KAZN: variants seen among roughly 807,000 people sequenced by gnomAD.
KAZN encodes the protein kazrin.
In KAZN, 40 loss-of-function variants were observed where a neutral mutation model predicts 87.4. The observed-to-expected ratio is 0.46, with a 90% confidence interval of 0.36 to 0.60. The LOEUF (loss-of-function observed/expected upper bound fraction) is 0.60, where lower values mean the gene tolerates loss of function less well. Ranked by LOEUF, KAZN falls within the 20% of genes least tolerant of loss-of-function variation. KAZN has a pLI of 0.00. For synonymous variants in KAZN, 466 were observed against 458.3 expected (o/e 1.02, Z -0.22); for missense variants, 898 against 1,073.9 (o/e 0.84, Z 2.29).
intron 1 of KAZN, among the ~76,000 whole-genome samples, chr1:14,109,813 C>CTTTTTTTTTTTGA (rs1289460974): frequency 0.093 from 11,323 of 121,666 alleles, 1,715 homozygotes; most frequent in East Asian, 0.22. Context: ...CTTATCAAAA[C>CTTTTTTTTTTTGA]GATTTCAGCG....
intron 2 of KAZN, among the ~76,000 whole-genome samples, chr1:14,384,353 T>C (rs972047405): frequency 6.6e-5 from 10 of 152,140 alleles, no homozygotes; most frequent in Admixed American, 6.5e-4. Flanking sequence ...CAACACTATG[T>C]TGAATAGGAG....
chr1:13,979,355 G>A (rs757490389), intron 1 of KAZN, among the ~76,000 whole-genome samples: 3 of 152,260 alleles, frequency 2.0e-5, no homozygotes, highest in Admixed American at 6.5e-5. Flanking sequence ...TCAACAAAAT[G>A]ATGAAAACCA....
At chr1:15,048,481 G>A (rs765714617) in intron 4 of KAZN, among the ~76,000 whole-genome samples, 33 of 151,912 alleles carry the variant, frequency 2.2e-4, no homozygotes, top group Non-Finnish European at 3.5e-4. Context: ...GTCAAGGCCC[G>A]AGCCCACATG....
intron 13 of KAZN, among the ~76,000 whole-genome samples, chr1:15,110,129 GTGTC>G (rs1157657882): frequency 6.6e-6 from 1 of 150,656 alleles, no homozygotes; most frequent in Non-Finnish European, 1.5e-5. Context: ...ATTTGTGTAT[GTGTC>G]TGTGTATTTG....
intron 2 of KAZN, among the ~76,000 whole-genome samples, chr1:14,217,369 C>T (rs1460037378): frequency 1.3e-5 from 2 of 151,626 alleles, no homozygotes; most frequent in Admixed American, 6.6e-5. Context: ...AATACAGGCC[C>T]ATCCCCCTTC....
intron 1 of KAZN, among the ~76,000 whole-genome samples, chr1:13,970,221 G>T (rs1353150359): frequency 6.6e-6 from 1 of 152,174 alleles, no homozygotes; most frequent in Non-Finnish European, 1.5e-5. Context: ...TCTTATGATG[G>T]CAGAAAGTGA....
chr1:14,523,501 G>A (rs1433032684), intron 2 of KAZN, among the ~76,000 whole-genome samples: 2 of 152,222 alleles, frequency 1.3e-5, no homozygotes, highest in Non-Finnish European at 2.9e-5. Context: ...ATACAAATGT[G>A]TCCCATCCCT....
At chr1:14,498,996 C>G (rs1436344079) in intron 2 of KAZN, among the ~76,000 whole-genome samples, 5 of 152,136 alleles carry the variant, frequency 3.3e-5, no homozygotes, top group African/African-American at 4.8e-5. Context: ...GCATGGTAAA[C>G]AGTTCCCTCG....
chr1:14,930,726 T>G (rs1659719422), intron 1 of KAZN, among the ~76,000 whole-genome samples: 1 of 152,194 alleles, frequency 6.6e-6, no homozygotes, highest in African/African-American at 2.4e-5. Context: ...GCAGTTTCCT[T>G]GTCAGCTGAC....
At chr1:14,908,561 C>G (rs72871818) in intron 1 of KAZN, among the ~76,000 whole-genome samples, 6,102 of 152,016 alleles carry the variant, frequency 0.04, 409 homozygotes, top group African/African-American at 0.14. Flanking sequence ...AAGAAAGAAA[C>G]AAGAAGAAAA....
At chr1:15,075,533 A>G (rs376710225) in intron 8 of KAZN, among the ~76,000 whole-genome samples, 56 of 152,236 alleles carry the variant, frequency 3.7e-4, no homozygotes, top group African/African-American at 1.2e-3. Flanking sequence ...CAGCTCCACT[A>G]TTCTGTGCTT....
chr1:14,849,047 A>G (rs1161296244), intron 1 of KAZN, among the ~76,000 whole-genome samples: 1 of 152,128 alleles, frequency 6.6e-6, no homozygotes, highest in Non-Finnish European at 1.5e-5. Flanking sequence ...CCCTGCCCTC[A>G]TTTTACAGAC....
chr1:13,992,536 A>C (rs1478865969), intron 1 of KAZN, among the ~76,000 whole-genome samples: 1 of 152,166 alleles, frequency 6.6e-6, no homozygotes, highest in Non-Finnish European at 1.5e-5. Flanking sequence ...TGGAAGGTTA[A>C]AGCTGACTAC....
At chr1:14,722,377 C>T (rs1643161586) in intron 1 of KAZN, among the ~76,000 whole-genome samples, 1 of 152,106 alleles carries the variant, frequency 6.6e-6, no homozygotes, top group African/African-American at 2.4e-5. Flanking sequence ...ATTCTCAGGT[C>T]ATTAAGTTAT....
intron 1 of KAZN, among the ~76,000 whole-genome samples, chr1:14,640,596 G>T (rs1270395370): frequency 6.6e-6 from 1 of 152,148 alleles, no homozygotes; most frequent in African/African-American, 2.4e-5. Context: ...CCAGCACTCT[G>T]CAGGGTCCTT....
intron 1 of KAZN, among the ~76,000 whole-genome samples, chr1:14,012,454 A>T (rs755508185): frequency 6.6e-6 from 1 of 152,228 alleles, no homozygotes; most frequent in Non-Finnish European, 1.5e-5. Context: ...GGCTGAAAAA[A>T]TAAGTAAAAA....
At chr1:13,939,068 G>T (rs937931445) in intron 1 of KAZN, among the ~76,000 whole-genome samples, 1 of 152,194 alleles carries the variant, frequency 6.6e-6, no homozygotes, top group African/African-American at 2.4e-5. Context: ...TCTCTCCATT[G>T]TCTTGGCTAT....
chr1:14,235,097 C>T (rs1162765632), intron 2 of KAZN, among the ~76,000 whole-genome samples: 1 of 152,198 alleles, frequency 6.6e-6, no homozygotes, highest in Admixed American at 6.5e-5. Flanking sequence ...ATGCTCACAG[C>T]AGCATTATTC....
chr1:14,758,214 A>G (rs10803313), intron 1 of KAZN, among the ~76,000 whole-genome samples: 80,823 of 151,450 alleles, frequency 0.53, 22,274 homozygotes, highest in Middle Eastern at 0.6. Context: ...CACCCAGGCT[A>G]GAGTGTAATG....
Sources: gnomAD v4.1 joint callset for allele counts (sites outside exome capture counted in the v4.1 genomes callset) on GRCh38, gnomAD v4.1.1 for gene constraint, MANE v1.5 for transcripts, NCBI Gene and HGNC (gene_info 2026-07-23, HGNC 2026-07-21) for gene names.